The following AFF2 variants were observed in gnomAD, a reference collection of about 807,000 sequenced individuals.
The protein encoded by AFF2 is ALF transcription elongation factor 2, also known as AF4/FMR2 family member 2.
Under a neutral mutation model 76.9 loss-of-function variants are expected in AFF2, and 14 were observed. The ratio of observed to expected loss-of-function variants is 0.18; its 90% CI spans 0.12 to 0.28. The LOEUF (loss-of-function observed/expected upper bound fraction) is 0.28, where lower values mean the gene tolerates loss of function less well. AFF2 is among the 10% of genes least tolerant of loss of function. AFF2 has a pLI of 1.00. For missense variants in AFF2, 868 were observed against 1,001.1 expected (o/e 0.87, Z 1.79); for synonymous variants, 398 against 366.7 (o/e 1.09, Z -0.98).
At chrX:148,535,586 G>A (rs2052775317) in intron 1 of AFF2, among the ~76,000 whole-genome samples, 1 of 112,388 alleles carries the variant, frequency 8.9e-6, no homozygotes, top group Non-Finnish European at 1.9e-5. Context: ...CCTGTGCCGG[G>A]CATTGTAACA....
In AFF2 at chrX:148,667,638, T is replaced by C. The variant is rs141267986; in HGVS notation, c.1041+4870T>C. Among the ~76,000 whole-genome samples the C allele has an allele frequency of 4.1e-3, 456 of 111,509 alleles. 4 individuals are homozygous for C. Among genetic ancestry groups the C allele is most frequent in the African/African-American group, 0.014 (435 of 30,689 alleles). ...TTATGGCAGACAAGAGAGGAGAGCT[T>C]GTGCAGGGAAACTCCCCCTTATAAT... is the stretch of plus-strand genomic sequence containing the variant. On this transcript the variant is annotated intron_variant, in intron 3 of 20. Transcript: ENST00000370460.
rs879996661 is a variant in AFF2, at chrX:148,581,348, G to A, written c.48-70651G>A. ...CACATATATACGTATACGTATACGTGTACACACATATATACGTATACGTGT... is the reference window on the plus strand; with the variant it reads ...CACATATATACGTATACGTATACGTATACACACATATATACGTATACGTGT... On this transcript the variant is annotated intron_variant, in intron 1 of 20. Transcript: ENST00000370460. Among the ~76,000 whole-genome samples the A allele has an allele frequency of 1.0e-4, 3 of 28,944 alleles. 1 individual carries two copies. Among genetic ancestry groups the A allele is most frequent in the African/African-American group, 4.4e-4 (3 of 6,846 alleles). 25.1% of individuals were successfully genotyped at this position (28,944 alleles called of 115,157 possible).
intron 3 of AFF2, among the ~76,000 whole-genome samples, chrX:148,698,611 A>G (rs2054749127): frequency 8.9e-6 from 1 of 112,316 alleles, no homozygotes; most frequent in Admixed American, 9.5e-5. Context: ...AAATGGACAG[A>G]GTTTCCAATT....
intron 3 of AFF2, among the ~76,000 whole-genome samples, chrX:148,736,035 T>C (rs985657218): frequency 3.9e-4 from 44 of 112,388 alleles, no homozygotes; most frequent in African/African-American, 1.3e-3. Flanking sequence ...CATTTGGGTT[T>C]GTTCCATGAT....
chrX:148,581,140 C>T (rs1186763648), intron 1 of AFF2, among the ~76,000 whole-genome samples: 2 of 81,584 alleles, frequency 2.5e-5, no homozygotes, highest in Non-Finnish European at 5.0e-5. Flanking sequence ...TATACGTATA[C>T]ACACATATAC....
At chrX:148,934,414 C>G (rs1206997155) in intron 9 of AFF2, among the ~76,000 whole-genome samples, 1 of 111,803 alleles carries the variant, frequency 8.9e-6, no homozygotes, top group Non-Finnish European at 1.9e-5. Context: ...GTCTTCTACA[C>G]CCATATGATT....
At chrX:148,910,109 T>A (rs2071452391) in intron 9 of AFF2, among the ~76,000 whole-genome samples, 1 of 112,465 alleles carries the variant, frequency 8.9e-6, no homozygotes, top group Non-Finnish European at 1.9e-5. Flanking sequence ...TTGTCAAGCA[T>A]AAAATTCTTC....
intron 3 of AFF2, among the ~76,000 whole-genome samples, chrX:148,741,633 G>T (rs1451462154): frequency 1.8e-5 from 2 of 110,680 alleles, no homozygotes; most frequent in African/African-American, 3.3e-5. Context: ...CAGGATTGGC[G>T]CCCTCCCCTG....
chrX:148,981,250 A>G (rs2072388188), intron 19 of AFF2, among the ~76,000 whole-genome samples: 1 of 111,181 alleles, frequency 9.0e-6, no homozygotes, highest in Non-Finnish European at 1.9e-5. Context: ...TATTAATACT[A>G]AAATGCCCTA....
At chrX:148,661,882 C>T in intron 2 of AFF2, 26 bp from the exon 3 acceptor site, 1 of 1,168,558 alleles carries the variant, frequency 8.6e-7, no homozygotes, top group Non-Finnish European at 1.1e-6. Flanking sequence ...CTCTCTCCTC[C>T]CACCCCCATC....
At chrX:148,620,193 T>C (rs781930744) in intron 1 of AFF2, among the ~76,000 whole-genome samples, 8 of 111,097 alleles carry the variant, frequency 7.2e-5, no homozygotes, top group Admixed American at 1.9e-4. Flanking sequence ...AAAGTAAGGC[T>C]TGTCTCTCAT....
intron 3 of AFF2, among the ~76,000 whole-genome samples, chrX:148,737,828 G>A (rs1557265246): frequency 9.0e-6 from 1 of 111,559 alleles, no homozygotes; most frequent in East Asian, 2.8e-4. Context: ...TAATCATAAA[G>A]CGATGTTGGG....
intron 11 of AFF2, among the ~76,000 whole-genome samples, chrX:148,957,566 G>A (rs1160966972): frequency 8.9e-6 from 1 of 112,260 alleles, no homozygotes; most frequent in Non-Finnish European, 1.9e-5. Context: ...TTTGAGCACT[G>A]ACATGACACT....
At chrX:148,573,513 T>C (rs1419655801) in intron 1 of AFF2, among the ~76,000 whole-genome samples, 1 of 111,470 alleles carries the variant, frequency 9.0e-6, no homozygotes, top group African/African-American at 3.3e-5. Context: ...AGACTTTTTT[T>C]TTTGTCCTCA....
At chrX:148,788,884 C>A (rs1039302659) in intron 3 of AFF2, among the ~76,000 whole-genome samples, 1 of 111,757 alleles carries the variant, frequency 8.9e-6, no homozygotes, top group Non-Finnish European at 1.9e-5. Context: ...CAGTTGCAAG[C>A]CTTGGGTGGT....
At chrX:148,581,208 T>C (rs2124349204) in intron 1 of AFF2, among the ~76,000 whole-genome samples, 1 of 93,136 alleles carries the variant, frequency 1.1e-5, no homozygotes, top group Admixed American at 1.1e-4. Flanking sequence ...CGTATACGTA[T>C]ACACACATAT....
intron 1 of AFF2, among the ~76,000 whole-genome samples, chrX:148,643,988 G>C (rs1386584823): frequency 9.0e-6 from 1 of 111,591 alleles, no homozygotes; most frequent in African/African-American, 3.3e-5. Flanking sequence ...GCTTGCTAGA[G>C]TCATGGTCAT....
At chrX:148,552,444 G>C (rs897360572) in intron 1 of AFF2, among the ~76,000 whole-genome samples, 3 of 111,934 alleles carry the variant, frequency 2.7e-5, no homozygotes, top group Non-Finnish European at 5.6e-5. Flanking sequence ...GGACCTGACT[G>C]GGGGGAAAGC....
intron 1 of AFF2, among the ~76,000 whole-genome samples, chrX:148,597,695 A>G (rs1406104744): frequency 9.0e-6 from 1 of 111,696 alleles, no homozygotes; most frequent in East Asian, 2.8e-4. Flanking sequence ...ATAAGACACA[A>G]TGGGGTGAGG....
Sources: allele counts gnomAD v4.1 joint callset (sites outside exome capture counted in the v4.1 genomes callset), GRCh38; gene constraint gnomAD v4.1.1; transcripts MANE v1.5; gene names NCBI Gene and HGNC (gene_info 2026-07-23, HGNC 2026-07-21).